The following COPG2 variants were observed in gnomAD, a reference collection of about 807,000 sequenced individuals.
The protein encoded by COPG2 is coat protein complex I subunit gamma 2.
Under a neutral mutation model 46.3 loss-of-function variants are expected in COPG2, and 37 were observed. The observed-to-expected ratio is 0.80, with a 90% confidence interval of 0.61 to 1.05. COPG2 has a LOEUF of 1.05. COPG2 is among the 50% of genes least tolerant of loss of function. The pLI is 0.00. For synonymous variants in COPG2, 159 were observed against 129.7 expected (o/e 1.23, Z -1.53); for missense variants, 427 against 387.8 (o/e 1.10, Z -0.85).
At chr7:130,604,632 G>A (rs66621989) in intron 9 of COPG2, 57,051 of 452,378 alleles carry the variant, frequency 0.13, 4,173 homozygotes, top group Admixed American at 0.22. Flanking sequence ...ATAGTGTTAC[G>A]TCCTCCTTTC....
chr7:130,666,932 A>T lies in COPG2; in HGVS notation c.91-3T>A, dbSNP rs1432091504. ...GGAGTTTCATTGAATATACGAGCCT[A>T]TGAAAAAACATAAAAAACATTGCTA... On this transcript the variant is annotated splice_polypyrimidine_tract_variant and splice_region_variant and intron_variant, in intron 2 of 23. Coordinates refer to ENST00000425248, the MANE Select transcript of COPG2 (RefSeq NM_012133.6). The T allele has an allele frequency of 6.7e-7, 1 of 1,503,150 alleles. No homozygotes were observed. Among genetic ancestry groups the T allele is most frequent in the South Asian group, 1.2e-5 (1 of 81,222 alleles). 93.1% of individuals were successfully genotyped at this position (1,503,150 alleles called of 1,614,324 possible). A position where few individuals can be genotyped will look rare whatever the true frequency, so the allele number is the denominator to read the frequency against.
chr7:130,659,188 T>C (rs1795919861), intron 4 of COPG2, among the ~76,000 whole-genome samples: 1 of 151,494 alleles, frequency 6.6e-6, no homozygotes, highest in Admixed American at 6.6e-5. Flanking sequence ...ACCCCGTCTC[T>C]ACTAAAAATA....
chr7:130,544,191 G>T (rs1018160800), intron 20 of COPG2, among the ~76,000 whole-genome samples: 5 of 152,180 alleles, frequency 3.3e-5, no homozygotes, highest in African/African-American at 1.2e-4. Context: ...CCCAGTGGGT[G>T]AGTGGAGGTG....
At chr7:130,589,131 A>G (rs915557725) in intron 9 of COPG2, among the ~76,000 whole-genome samples, 28 of 152,134 alleles carry the variant, frequency 1.8e-4, no homozygotes, top group Non-Finnish European at 2.8e-4. Context: ...AATTCAAAGG[A>G]TGTTAAAGAC....
chr7:130,615,728 T>C (rs1342079788), intron 6 of COPG2, among the ~76,000 whole-genome samples: 2 of 152,226 alleles, frequency 1.3e-5, no homozygotes, highest in Non-Finnish European at 2.9e-5. Flanking sequence ...GGCTGAATGA[T>C]CTGTATTTCA....
chr7:130,569,905 G>A (rs1005312714), intron 9 of COPG2, among the ~76,000 whole-genome samples: 106 of 152,198 alleles, frequency 7.0e-4, no homozygotes, highest in African/African-American at 2.5e-3. Context: ...TTTAACATAC[G>A]CAAGTCAATA....
chr7:130,579,703 T>A (rs1178283271), intron 9 of COPG2, among the ~76,000 whole-genome samples: 13 of 150,624 alleles, frequency 8.6e-5, no homozygotes, highest in African/African-American at 3.2e-4. Context: ...GCAATCCTAG[T>A]CTCTGATAAA....
chr7:130,525,528 A>C (rs1366460104), intron 20 of COPG2, among the ~76,000 whole-genome samples: 1 of 152,190 alleles, frequency 6.6e-6, no homozygotes, highest in African/African-American at 2.4e-5. Flanking sequence ...GTGGGTAGAA[A>C]GATGCTTGCA....
intron 6 of COPG2, among the ~76,000 whole-genome samples, chr7:130,613,847 T>A (rs1554452516): frequency 6.6e-6 from 1 of 152,158 alleles, no homozygotes; most frequent in East Asian, 1.9e-4. Context: ...ACATTTAAGA[T>A]TATATATAAA....
Position 130,523,119 on chromosome 7 carries a change from C to CAAAAAAAAAAAAAA in COPG2, c.2150-14474_2150-14461dup, listed in dbSNP as rs1308994776. Among the ~76,000 whole-genome samples, 158 of 57,422 alleles carry CAAAAAAAAAAAAAA rather than the reference C, an allele frequency of 2.8e-3. 8 individuals carry two copies. Among genetic ancestry groups the CAAAAAAAAAAAAAA allele is most frequent in the African/African-American group, 0.01 (129 of 12,566 alleles). The allele number at this position is 57,422 out of a possible 152,430, so 37.7% of individuals were successfully genotyped here. A position where few individuals can be genotyped will look rare whatever the true frequency, so the allele number is the denominator to read the frequency against. On this transcript the variant is annotated intron_variant, in intron 20 of 23. Transcript: ENST00000425248. ...GGGCGACAGAGTGAAACTCTTCTCT[C>CAAAAAAAAAAAAAA]AAAAAAAAAAAAAAAGAAGGCTCCA...
chr7:130,662,985 T>G lies in COPG2; in HGVS notation c.225A>C (p.Arg75=), dbSNP rs782605315. 5 of 1,549,150 alleles carry G rather than the reference T, an allele frequency of 3.2e-6. No individual in the cohort carries two copies. The South Asian group carries it at 6.2e-5, about 19-fold the overall frequency. Residue 75 remains arginine (R), a synonymous_variant, in exon 4 of 24, where the codon CGA becomes CGC. Transcript: ENST00000425248. ...EATEAFFAMT[R]LFQSNDQTLR... is the part of the protein sequence containing the mutation. The stretch of plus-strand genomic sequence containing the variant: ...GACTTACATCATTAGATTGAAACAA[T>G]CGCGTCATTGCAAAGAAGGCTTCTG...
Position 130,625,955 on chromosome 7 carries a change from A to G in COPG2, c.324-8890T>C, listed in dbSNP as rs1369634371. On this transcript the variant is annotated intron_variant, in intron 5 of 23. Coordinates refer to ENST00000425248, the MANE Select transcript of COPG2 (RefSeq NM_012133.6). ...TCTTTGATCACTCCTTTAATTCACC[A>G]TATAGATTTAATAATTTATTTTTAA... Among the ~76,000 whole-genome samples, 3 of 152,048 alleles carry G rather than the reference A, an allele frequency of 2.0e-5. No individual in the cohort carries two copies. In the East Asian group the frequency reaches 5.8e-4, roughly 29 times the overall value.
At chr7:130,510,781 G>C (rs182267202) in intron 20 of COPG2, among the ~76,000 whole-genome samples, 1 of 152,162 alleles carries the variant, frequency 6.6e-6, no homozygotes, top group Non-Finnish European at 1.5e-5. Flanking sequence ...AGGGATCTAA[G>C]GAAGTCTAGG....
At chr7:130,574,922 C>A (rs1793976696) in intron 9 of COPG2, among the ~76,000 whole-genome samples, 1 of 152,074 alleles carries the variant, frequency 6.6e-6, no homozygotes, top group Admixed American at 6.6e-5. Context: ...TGGAAAGTCT[C>A]AGCAATAGAA....
chr7:130,517,148 G>A (rs1799686206), intron 20 of COPG2, among the ~76,000 whole-genome samples: 1 of 152,182 alleles, frequency 6.6e-6, no homozygotes, highest in Admixed American at 6.5e-5. Context: ...GCTGATGTGA[G>A]GGGATGACTG....
chr7:130,566,457 A>G (rs2116409119), intron 9 of COPG2, among the ~76,000 whole-genome samples: 1 of 152,370 alleles, frequency 6.6e-6, no homozygotes, highest in South Asian at 2.1e-4. Context: ...CAGCAATCCC[A>G]TTACTAAATA....
At chr7:130,544,748 AG>A (rs1262278403) in intron 20 of COPG2, among the ~76,000 whole-genome samples, 1 of 152,142 alleles carries the variant, frequency 6.6e-6, no homozygotes, top group Non-Finnish European at 1.5e-5. Context: ...AATGCTTAGA[AG>A]GAATGTTGCC....
chr7:130,667,946 G>A (rs1796121635), intron 1 of COPG2, among the ~76,000 whole-genome samples: 1 of 152,128 alleles, frequency 6.6e-6, no homozygotes, highest in South Asian at 2.1e-4. Flanking sequence ...CAGGCGTAAA[G>A]GTGCAAGAGG....
intron 3 of COPG2, among the ~76,000 whole-genome samples, chr7:130,665,633 A>G (rs551412537): frequency 9.7e-4 from 147 of 152,312 alleles, no homozygotes; most frequent in African/African-American, 3.2e-3. Flanking sequence ...TCACAGAGAC[A>G]ACTTATATAT....
Sources: gnomAD v4.1 joint callset for allele counts (sites outside exome capture counted in the v4.1 genomes callset) on GRCh38, gnomAD v4.1.1 for gene constraint, MANE v1.5 for transcripts, NCBI Gene and HGNC (gene_info 2026-07-23, HGNC 2026-07-21) for gene names.